The following BICRAL variants were observed in gnomAD, a reference collection of about 807,000 sequenced individuals.
The protein encoded by BICRAL is BICRA like chromatin remodeling complex associated protein.
BICRAL carries 8 observed loss-of-function variants against 91.8 expected under a neutral mutation model. The ratio of observed to expected loss-of-function variants is 0.09; its 90% CI spans 0.05 to 0.16. The LOEUF is 0.16. Ranked by LOEUF, BICRAL falls within the 10% of genes least tolerant of loss-of-function variation. BICRAL has a pLI of 1.00. For synonymous variants in BICRAL, 445 were observed against 491.1 expected, an observed-to-expected ratio of 0.91 and a Z score of 1.24; for missense variants, 1,038 against 1,310.9, an observed-to-expected ratio of 0.79 and a Z score of 3.21.
intron 10 of BICRAL, among the ~76,000 whole-genome samples, chr6:42,859,650 A>ATATTTTTTTTTTTTTTTTTTTTTTTTTT (rs1765491277): frequency 6.6e-6 from 1 of 151,198 alleles, no homozygotes; most frequent in African/African-American, 2.4e-5. Flanking sequence ...ATATATATAT[A>ATATTTTTTTTTTTTTTTTTTTTTTTTTT]TTTTTTTTTG....
intron 1 of BICRAL, among the ~76,000 whole-genome samples, chr6:42,802,425 T>TGTTGTTGTTGTTG (rs1303116527): frequency 7.7e-6 from 1 of 130,496 alleles, no homozygotes; most frequent in African/African-American, 3.1e-5. Flanking sequence ...TTTCGTGTTT[T>TGTTGTTGTTGTTG]TTTTTGTTGT....
intron 6 of BICRAL, among the ~76,000 whole-genome samples, chr6:42,838,385 G>A (rs1582860482): frequency 6.6e-6 from 1 of 152,136 alleles, no homozygotes; most frequent in East Asian, 1.9e-4. Flanking sequence ...AGGCTAAATG[G>A]TTTGGGCAAG....
chr6:42,751,734 C>A (rs1052572919), intron 1 of BICRAL, among the ~76,000 whole-genome samples: 7 of 150,420 alleles, frequency 4.7e-5, no homozygotes, highest in African/African-American at 1.7e-4. Context: ...CTTGGCTCAC[C>A]GCAACCCCCG....
Position 42,866,726 on chromosome 6 carries a change from A to G in BICRAL, c.*1280A>G. The G allele has an allele frequency of 2.2e-6, 1 of 447,200 alleles. No individual in the cohort carries two copies. The highest frequency in any genetic ancestry group is 1.6e-5 in the South Asian group (1 of 62,828). The allele number at this position is 447,200 out of a possible 1,614,324, so 27.7% of individuals were successfully genotyped here. A position where few individuals can be genotyped will look rare whatever the true frequency, so the allele number is the denominator to read the frequency against. On this transcript the variant is annotated 3_prime_UTR_variant, in exon 13 of 13. Coordinates refer to ENST00000314073, the MANE Select transcript of BICRAL (RefSeq NM_001393499.1). ...TGGTTTCTGTTTGGCCTGTGTTCAT[A>G]TTAGTGAGCATGGCTTACTGCTTTA...
At chr6:42,768,851 A>G (rs538151228) in intron 1 of BICRAL, among the ~76,000 whole-genome samples, 2 of 152,290 alleles carry the variant, frequency 1.3e-5, no homozygotes, top group East Asian at 3.9e-4. Context: ...AAGTGCTAAT[A>G]CCCAGAAGAG....
chr6:42,781,532 G>A (rs1003339258), upstream of BICRAL, among the ~76,000 whole-genome samples: 1 of 124,466 alleles, frequency 8.0e-6, no homozygotes, highest in Non-Finnish European at 1.7e-5. Context: ...AATCTTGTAG[G>A]GTTTTTTTTT....
intron 6 of BICRAL, among the ~76,000 whole-genome samples, chr6:42,837,178 C>T (rs1025257024): frequency 1.3e-5 from 2 of 150,272 alleles, no homozygotes; most frequent in African/African-American, 4.9e-5. Flanking sequence ...AACTCCTGAC[C>T]TCAGGTGATC....
chr6:42,853,749 A>G lies in BICRAL; in HGVS notation c.2046+11A>G, dbSNP rs933377521. On this transcript the variant is annotated intron_variant, in intron 8 of 12. Coordinates refer to ENST00000314073, the MANE Select transcript of BICRAL (RefSeq NM_001393499.1). ...CATCCAGCTGTGCAGGTAGAAAACT[A>G]TTGGCATAGCCTCTTCCTAATGTTC... The G allele has an allele frequency of 2.6e-6, 4 of 1,528,164 alleles. No homozygotes were observed. The highest frequency in any genetic ancestry group is 3.3e-5 in the Admixed American group (2 of 59,906). The allele number at this position is 1,528,164 out of a possible 1,614,324, so 94.7% of individuals were successfully genotyped here. A position where few individuals can be genotyped will look rare whatever the true frequency, so the allele number is the denominator to read the frequency against.
intron 6 of BICRAL, among the ~76,000 whole-genome samples, chr6:42,831,374 A>G (rs1189263957): frequency 6.6e-6 from 1 of 152,220 alleles, no homozygotes; most frequent in Non-Finnish European, 1.5e-5. Context: ...AAGCACATAA[A>G]GGGAGAGATC....
chr6:42,750,897 T>C lies in BICRAL; in HGVS notation c.-261+3874T>C, dbSNP rs866240905. ...CCGGCCTTTTTTTTTTTTTTTTTTTTTTTTTTTTTTTAATACTTTAAGTTC... is the reference window on the plus strand; with the variant it reads ...CCGGCCTTTTTTTTTTTTTTTTTTTCTTTTTTTTTTTAATACTTTAAGTTC... On this transcript the variant is annotated intron_variant, in intron 1 of 14. Transcript: ENST00000614467. Among the ~76,000 whole-genome samples the C allele has an allele frequency of 1.1e-3, 87 of 80,142 alleles. 1 individual carries two copies. Among genetic ancestry groups the C allele is most frequent in the African/African-American group, 4.3e-3 (84 of 19,556 alleles). The allele number at this position is 80,142 out of a possible 152,430, so 52.6% of individuals were successfully genotyped here. A position where few individuals can be genotyped will look rare whatever the true frequency, so the allele number is the denominator to read the frequency against.
At chr6:42,823,321 C>T (rs955636663) in intron 5 of BICRAL, among the ~76,000 whole-genome samples, 3 of 152,122 alleles carry the variant, frequency 2.0e-5, no homozygotes, top group Non-Finnish European at 4.4e-5. Flanking sequence ...AGAGTTTCGC[C>T]ATGTTAGCCC....
At chr6:42,781,350 G>C (rs2150911), upstream of BICRAL, among the ~76,000 whole-genome samples, 44,222 of 151,986 alleles carry the variant, frequency 0.29, 6,987 homozygotes, top group South Asian at 0.48. Context: ...CACAGGTAAG[G>C]TTTCAAGAAT....
chr6:42,746,559 G>C (rs1333147293), upstream of BICRAL, among the ~76,000 whole-genome samples: 4 of 151,972 alleles, frequency 2.6e-5, no homozygotes, highest in Admixed American at 6.6e-5. Flanking sequence ...AAGATGGAGC[G>C]GGGGGGAATA....
intron 6 of BICRAL, among the ~76,000 whole-genome samples, chr6:42,838,870 A>C (rs1764711124): frequency 1.3e-5 from 2 of 152,160 alleles, no homozygotes; most frequent in Non-Finnish European, 1.5e-5. Flanking sequence ...CTGAGGCAGG[A>C]GAATCACTTG....
chr6:42,806,076 G>A (rs1281146489), intron 1 of BICRAL, among the ~76,000 whole-genome samples: 1 of 151,994 alleles, frequency 6.6e-6, no homozygotes, highest in Non-Finnish European at 1.5e-5. Context: ...TACTGAAGGT[G>A]GCTTAGGGTG....
intron 6 of BICRAL, among the ~76,000 whole-genome samples, chr6:42,849,917 G>T (rs1431725625): frequency 6.6e-6 from 1 of 151,974 alleles, no homozygotes; most frequent in African/African-American, 2.4e-5. Context: ...GCCAGGCATG[G>T]TCAGACCTAC....
At chr6:42,840,681 C>T (rs186394934) in intron 6 of BICRAL, among the ~76,000 whole-genome samples, 31 of 152,114 alleles carry the variant, frequency 2.0e-4, no homozygotes, top group African/African-American at 7.2e-4. Flanking sequence ...GGATTACAGG[C>T]GCCTGCCACC....
chr6:42,853,750 T>C lies in BICRAL; in HGVS notation c.2046+12T>C. ...ATCCAGCTGTGCAGGTAGAAAACTA[T>C]TGGCATAGCCTCTTCCTAATGTTCG... On this transcript the variant is annotated intron_variant, in intron 8 of 12. Coordinates refer to ENST00000314073, the MANE Select transcript of BICRAL (RefSeq NM_001393499.1). 6.6e-7 allele frequency: 1 copy of C among 1,521,608 alleles called. No individual in the cohort carries two copies. The highest frequency in any genetic ancestry group is 9.1e-7 in the Non-Finnish European group (1 of 1,095,526). 94.3% of individuals were successfully genotyped at this position (1,521,608 alleles called of 1,614,324 possible).
At chr6:42,750,542 C>T (rs1762359694) in intron 1 of BICRAL, among the ~76,000 whole-genome samples, 2 of 152,096 alleles carry the variant, frequency 1.3e-5, no homozygotes, top group African/African-American at 4.8e-5. Context: ...TAGCAGATTG[C>T]CAGTCTATAT....
Sources: allele counts gnomAD v4.1 joint callset (sites outside exome capture counted in the v4.1 genomes callset), GRCh38; gene constraint gnomAD v4.1.1; transcripts MANE v1.5; gene names NCBI Gene and HGNC (gene_info 2026-07-23, HGNC 2026-07-21).